Variants in DNAH5 observed in about 807,000 individuals in gnomAD.
DNAH5 encodes the protein dynein axonemal heavy chain 5.
A neutral mutation model predicts 518.2 loss-of-function variants in DNAH5; 372 were observed. The ratio of observed to expected loss-of-function variants is 0.72; its 90% CI spans 0.66 to 0.78. The LOEUF (loss-of-function observed/expected upper bound fraction) is 0.78, where lower values mean the gene tolerates loss of function less well. Ranked by LOEUF, DNAH5 falls within the 30% of genes least tolerant of loss-of-function variation. DNAH5 has a pLI of 0.00. For synonymous variants in DNAH5, 2,039 were observed against 2,025.9 expected (o/e 1.01, Z -0.17); for missense variants, 5,523 against 5,687.0 (o/e 0.97, Z 0.93).
intron 12 of DNAH5, 62 bp downstream of exon 12, chr5:13,911,324 A>T: frequency 7.6e-7 from 1 of 1,307,838 alleles, no homozygotes; most frequent in African/African-American, 1.4e-5. Flanking sequence ...GATTAACGGC[A>T]TTATACAGAA....
intron 27 of DNAH5, among the ~76,000 whole-genome samples, chr5:13,864,927 A>G (rs139949500): frequency 2.3e-4 from 35 of 152,216 alleles, no homozygotes; most frequent in Middle Eastern, 6.8e-3. Context: ...CAATTCTACA[A>G]ACATGTACTG....
intron 60 of DNAH5, among the ~76,000 whole-genome samples, chr5:13,761,172 A>G (rs1212938389): frequency 2.6e-5 from 4 of 152,220 alleles, no homozygotes; most frequent in Middle Eastern, 6.3e-3. Context: ...ATACAGGGGA[A>G]GAGATCTCAT....
At chr5:13,921,141 T>A (rs1462620487) in intron 5 of DNAH5, among the ~76,000 whole-genome samples, 1 of 152,172 alleles carries the variant, frequency 6.6e-6, no homozygotes, top group Non-Finnish European at 1.5e-5. Context: ...TGGTCCAACC[T>A]GCAATTTGGT....
At chr5:13,920,722 G>A (rs1404625546) in intron 5 of DNAH5, 105 bp from the exon 6 acceptor site, 1 of 1,297,928 alleles carries the variant, frequency 7.7e-7, no homozygotes, top group Non-Finnish European at 1.1e-6. Context: ...GCTCTGGAAA[G>A]CCCACCAGGT....
chr5:13,990,068 G>A (rs1023227941), intron 1 of DNAH5, among the ~76,000 whole-genome samples: 5 of 152,024 alleles, frequency 3.3e-5, no homozygotes, highest in African/African-American at 7.2e-5. Context: ...TGGTGGAGCC[G>A]ATTCAGACCC....
At chr5:13,780,569 G>C (rs1754946228) in intron 53 of DNAH5, among the ~76,000 whole-genome samples, 1 of 152,196 alleles carries the variant, frequency 6.6e-6, no homozygotes, top group South Asian at 2.1e-4. Context: ...AGTAGTGCAT[G>C]TAATACACTA....
At chr5:13,753,136 C>T (rs765278260) in intron 63 of DNAH5, 97 bp downstream of exon 63, 73 of 876,956 alleles carry the variant, frequency 8.3e-5, no homozygotes, top group Non-Finnish European at 1.3e-4. Flanking sequence ...ACAAAAACAT[C>T]TCTAGTGTTT....
chr5:13,864,256 T>C, intron 28 of DNAH5, 141 bp downstream of exon 28: 1 of 1,089,532 alleles, frequency 9.2e-7, no homozygotes, highest in Non-Finnish European at 1.4e-6. Flanking sequence ...TAAGCATTTG[T>C]TGAAGGAACT....
intron 76 of DNAH5, 92 bp downstream of exon 76, chr5:13,708,031 G>C: frequency 7.2e-7 from 1 of 1,392,474 alleles, no homozygotes; most frequent in Non-Finnish European, 1.0e-6. Context: ...GAATCATGTT[G>C]AGTAAATTAT....
At chr5:13,931,325 T>A in intron 1 of DNAH5, 81 bp from the exon 2 acceptor site, 1 of 1,585,052 alleles carries the variant, frequency 6.3e-7, no homozygotes, top group Non-Finnish European at 8.6e-7. Context: ...ATACAATTGT[T>A]GTTTTTTCAA....
intron 68 of DNAH5, among the ~76,000 whole-genome samples, chr5:13,734,153 C>G (rs1243599302): frequency 6.6e-6 from 1 of 152,130 alleles, no homozygotes; most frequent in Non-Finnish European, 1.5e-5. Context: ...CACTAGAGAG[C>G]TTGCTTCCTC....
At chr5:13,955,472 T>C (rs547728590) in intron 1 of DNAH5, among the ~76,000 whole-genome samples, 4 of 152,178 alleles carry the variant, frequency 2.6e-5, no homozygotes, top group Non-Finnish European at 4.4e-5. Context: ...GAAAACAGGG[T>C]GTGTCCAGCT....
At chr5:13,946,666 C>T (rs895322), upstream of DNAH5, among the ~76,000 whole-genome samples, 2,756 of 152,306 alleles carry the variant, frequency 0.018, 83 homozygotes, top group African/African-American at 0.062. Context: ...TCTGCAGCCC[C>T]GTCTGTGCGG....
intron 39 of DNAH5, among the ~76,000 whole-genome samples, chr5:13,823,778 C>CT (rs1310216757): frequency 6.6e-6 from 1 of 152,108 alleles, no homozygotes; most frequent in Non-Finnish European, 1.5e-5. Context: ...TTTTGTGACC[C>CT]TTTACATAGA....
intron 52 of DNAH5, among the ~76,000 whole-genome samples, chr5:13,781,751 A>G (rs1385116128): frequency 6.6e-6 from 1 of 152,072 alleles, no homozygotes. Flanking sequence ...TTTCCTTCCC[A>G]GTCTTGGGTA....
At chr5:13,896,920 A>T (rs1258959149) in intron 15 of DNAH5, among the ~76,000 whole-genome samples, 1 of 152,140 alleles carries the variant, frequency 6.6e-6, no homozygotes, top group South Asian at 2.1e-4. Context: ...TTTTACCTTG[A>T]TAATAGATGA....
At position 13,922,208 on chromosome 5, in the gene DNAH5, C is replaced by T. The variant is rs759059925; in HGVS notation, c.559G>A (p.Glu187Lys). Residue 187 changes from glutamate to lysine, a missense_variant, in exon 5 of 79, where the codon GAG becomes AAG. Glu to Lys is a moderately conservative substitution (Grantham distance 56). Transcript: ENST00000265104. ...ATGTTAGCTGCGTCCTGAAGGCCCT[C>T]GAGCTCGCCCCAGCCATGGCTCGTG... ...RATSHGWGEL[E>K]GLQDAANIRQ... 3.1e-6 allele frequency: 5 copies of T among 1,613,836 alleles called. No individual in the cohort carries two copies. The South Asian group carries it at 3.3e-5, about 11-fold the overall frequency.
intron 3 of DNAH5, among the ~76,000 whole-genome samples, chr5:13,927,771 A>T (rs1778032453): frequency 6.6e-6 from 1 of 152,246 alleles, no homozygotes; most frequent in East Asian, 1.9e-4. Context: ...CTAGAATATA[A>T]GAAAAGGAAG....
Position 13,810,765 on chromosome 5 carries a change from C to CAA in DNAH5, c.7408-507_7408-506dup, listed in dbSNP as rs552513435. Among the ~76,000 whole-genome samples the CAA allele has an allele frequency of 4.6e-3, 677 of 146,358 alleles. 1 individual carries two copies. The highest frequency in any genetic ancestry group is 7.1e-3 in the Non-Finnish European group (476 of 66,952). ...CGAGACTCCATGTCAAAAAACAAAA[C>CAA]AAACAAACAAAAAAACAGGGTTTAT... On this transcript the variant is annotated intron_variant, in intron 44 of 78. Transcript: ENST00000265104.
Sources: gnomAD v4.1 joint callset for allele counts (sites outside exome capture counted in the v4.1 genomes callset) on GRCh38, gnomAD v4.1.1 for gene constraint, MANE v1.5 for transcripts, NCBI Gene and HGNC (gene_info 2026-07-23, HGNC 2026-07-21) for gene names.